Variants in DIAPH3 observed in about 807,000 individuals in gnomAD.
DIAPH3 encodes protein diaphanous homolog 3.
DIAPH3 carries 117 observed loss-of-function variants against 144.3 expected under a neutral mutation model. The ratio of observed to expected loss-of-function variants is 0.81; its 90% CI spans 0.70 to 0.95. The LOEUF is 0.95. Among genes scored for constraint, DIAPH3 ranks in the 40% least tolerant of loss-of-function variants. The pLI is 0.00. For missense variants in DIAPH3, 1,421 were observed against 1,412.7 expected (o/e 1.01, Z -0.09); for synonymous variants, 519 against 488.9 (o/e 1.06, Z -0.81).
At chr13:59,842,560 A>G (rs1593634563) in intron 22 of DIAPH3, among the ~76,000 whole-genome samples, 2 of 152,148 alleles carry the variant, frequency 1.3e-5, no homozygotes, top group East Asian at 3.9e-4. Context: ...GATACTAACT[A>G]CCCAGATTTA....
intron 17 of DIAPH3, among the ~76,000 whole-genome samples, chr13:59,940,001 C>T (rs2048448911): frequency 6.6e-6 from 1 of 152,020 alleles, no homozygotes; most frequent in African/African-American, 2.4e-5. Flanking sequence ...ATACTTTCAT[C>T]CCCTTGCCAA....
intron 25 of DIAPH3, among the ~76,000 whole-genome samples, chr13:59,799,085 T>A (rs1304224508): frequency 2.6e-5 from 4 of 152,008 alleles, no homozygotes; most frequent in Non-Finnish European, 4.4e-5. Context: ...CCAAGAATCA[T>A]TAACATAAGG....
chr13:59,861,400 C>G lies in DIAPH3; in HGVS notation c.2737+7G>C. 1 of 1,613,624 alleles carries G rather than the reference C, an allele frequency of 6.2e-7. No individual in the cohort carries two copies. The highest frequency in any genetic ancestry group is 1.1e-5 in the South Asian group (1 of 91,058). ...AGCCATGAAATGTTTCTTAAAAAGG[C>G]ACAAACCTTTACTAGCTTTGTCTAA... is the stretch of plus-strand genomic sequence containing the variant. On this transcript the variant is annotated splice_region_variant and intron_variant, in intron 22 of 27. Coordinates refer to ENST00000400324, the MANE Select transcript of DIAPH3 (RefSeq NM_001042517.2).
intron 3 of DIAPH3, among the ~76,000 whole-genome samples, chr13:60,104,852 G>A (rs996759701): frequency 1.3e-5 from 2 of 152,090 alleles, no homozygotes; most frequent in Middle Eastern, 3.2e-3. Flanking sequence ...AGCACTTTGG[G>A]AGGCCGAGGC....
intron 2 of DIAPH3, among the ~76,000 whole-genome samples, chr13:60,132,485 A>G (rs1280010166): frequency 6.6e-6 from 1 of 152,190 alleles, no homozygotes; most frequent in Non-Finnish European, 1.5e-5. Flanking sequence ...ATAAAGTGTT[A>G]CTATGAGAAG....
Position 60,042,820 on chromosome 13 carries a change from C to T in DIAPH3, c.496G>A (p.Gly166Arg), listed in dbSNP as rs757557320. Residue 166 changes from glycine to arginine, a missense_variant and splice_region_variant, in exon 5 of 28, where the codon GGA (glycine) becomes AGA (arginine). Transcript: ENST00000400324. ...ATCTGTCGGCTTCTCTTAAGACTTC[C>T]CTATAAAATAAGTCAAAAAATGTTT... is the stretch of plus-strand genomic sequence containing the variant. ...MQYINTASKT[G>R]SLKRSRQISP... 4 of 1,612,884 alleles carry T rather than the reference C, an allele frequency of 2.5e-6. No individual in the cohort carries two copies. The Admixed American group carries it at 5.0e-5, about 20-fold the overall frequency.
intron 4 of DIAPH3, among the ~76,000 whole-genome samples, chr13:60,058,116 G>T (rs937095062): frequency 6.6e-6 from 1 of 151,332 alleles, no homozygotes; most frequent in African/African-American, 2.4e-5. Context: ...TACAAAATGG[G>T]AGAAAATATA....
In DIAPH3 at chr13:59,913,013, T is replaced by C. The variant is rs78421307; in HGVS notation, c.2266-1177A>G. Among the ~76,000 whole-genome samples the C allele has an allele frequency of 8.1e-3, 1,240 of 152,254 alleles. 20 individuals carry two copies. The highest frequency in any genetic ancestry group is 0.028 in the African/African-American group (1,168 of 41,548). On this transcript the variant is annotated intron_variant, in intron 19 of 27. Coordinates refer to ENST00000400324, the MANE Select transcript of DIAPH3 (RefSeq NM_001042517.2). ...CAAATTGAATAAAAATAAAAGTATA[T>C]GATTTCCCCACATAAATAGAAATTT...
At chr13:59,678,771 CA>C (rs2138622401) in intron 27 of DIAPH3, among the ~76,000 whole-genome samples, 1 of 152,208 alleles carries the variant, frequency 6.6e-6, no homozygotes, top group Non-Finnish European at 1.5e-5. Context: ...GAAAGAGAAA[CA>C]AAACTCTATA....
intron 21 of DIAPH3, among the ~76,000 whole-genome samples, chr13:59,872,165 T>G (rs914627558): frequency 1.3e-5 from 2 of 152,200 alleles, no homozygotes; most frequent in African/African-American, 4.8e-5. Context: ...GGTTAAAGAT[T>G]ATTCTTTTTA....
At chr13:59,697,736 T>A (rs1209866925) in intron 27 of DIAPH3, among the ~76,000 whole-genome samples, 7 of 152,034 alleles carry the variant, frequency 4.6e-5, no homozygotes, top group African/African-American at 1.7e-4. Flanking sequence ...GGAGGTTGGG[T>A]TTTCACTTCC....
intron 20 of DIAPH3, among the ~76,000 whole-genome samples, chr13:59,903,904 T>G (rs1289806780): frequency 1.3e-5 from 2 of 152,212 alleles, no homozygotes; most frequent in Non-Finnish European, 2.9e-5. Context: ...AATAGAAAGA[T>G]GAGCACAATA....
chr13:59,864,145 T>G (rs1290821471), intron 21 of DIAPH3, among the ~76,000 whole-genome samples: 1 of 152,076 alleles, frequency 6.6e-6, no homozygotes. Flanking sequence ...TGGGCTTCTG[T>G]TTTTACATAT....
chr13:59,875,655 C>T (rs2044576738), intron 21 of DIAPH3, among the ~76,000 whole-genome samples: 1 of 152,084 alleles, frequency 6.6e-6, no homozygotes, highest in Non-Finnish European at 1.5e-5. Context: ...ACTATTTTTG[C>T]TCATGAAGTG....
chr13:59,932,309 C>T (rs1442382102), intron 17 of DIAPH3, among the ~76,000 whole-genome samples: 2 of 152,066 alleles, frequency 1.3e-5, no homozygotes, highest in Non-Finnish European at 2.9e-5. Flanking sequence ...ATTTACTGAA[C>T]CCCTATTAAG....
At chr13:60,035,834 T>G (rs910376300) in intron 5 of DIAPH3, among the ~76,000 whole-genome samples, 4 of 152,128 alleles carry the variant, frequency 2.6e-5, no homozygotes, top group Non-Finnish European at 4.4e-5. Context: ...TAGGCACATC[T>G]CTCTAATGAA....
chr13:59,714,135 C>T (rs892791036), intron 27 of DIAPH3, among the ~76,000 whole-genome samples: 4 of 151,880 alleles, frequency 2.6e-5, no homozygotes, highest in Non-Finnish European at 4.4e-5. Flanking sequence ...CCGAGGCGGG[C>T]GGATCACGAG....
At chr13:60,123,862 T>C (rs944511344) in intron 2 of DIAPH3, among the ~76,000 whole-genome samples, 2 of 152,200 alleles carry the variant, frequency 1.3e-5, no homozygotes, top group Non-Finnish European at 2.9e-5. Flanking sequence ...ACTAGAATAA[T>C]AAGATAAAAC....
chr13:60,002,290 C>T (rs1046130847), intron 9 of DIAPH3, among the ~76,000 whole-genome samples: 2 of 152,116 alleles, frequency 1.3e-5, no homozygotes, highest in Non-Finnish European at 2.9e-5. Flanking sequence ...ATTAAGTATG[C>T]TATGAAACAA....
Sources: gnomAD v4.1 joint callset for allele counts (sites outside exome capture counted in the v4.1 genomes callset) on GRCh38, gnomAD v4.1.1 for gene constraint, MANE v1.5 for transcripts, NCBI Gene and HGNC (gene_info 2026-07-23, HGNC 2026-07-21) for gene names.